The following TRPC6 variants were observed in gnomAD, a reference collection of about 807,000 sequenced individuals.
TRPC6 encodes the protein short transient receptor potential channel 6.
Under a neutral mutation model 90.7 loss-of-function variants are expected in TRPC6, and 55 were observed. The ratio of observed to expected loss-of-function variants is 0.61; its 90% confidence interval spans 0.49 to 0.76. The LOEUF (loss-of-function observed/expected upper bound fraction) is 0.76. Ranked by LOEUF, TRPC6 falls within the 30% of genes least tolerant of loss-of-function variation. The pLI is 0.00. For missense variants in TRPC6, 989 were observed against 1,122.7 expected, an observed-to-expected ratio of 0.88 and a Z score of 1.70; for synonymous variants, 393 against 393.0, an observed-to-expected ratio of 1.00 and a Z score of 0.00.
At chr11:101,561,009 G>A (rs10219398) in intron 1 of TRPC6, among the ~76,000 whole-genome samples, 34,687 of 151,996 alleles carry the variant, frequency 0.23, 4,290 homozygotes, top group Middle Eastern at 0.34. Context: ...ATGTCTTATT[G>A]CATGAATATT....
chr11:101,504,340 T>C lies in TRPC6; in HGVS notation c.629A>G (p.Asp210Gly), dbSNP rs2136741494. 1 of 1,614,036 alleles carries C rather than the reference T, an allele frequency of 6.2e-7. No homozygotes were observed. Among genetic ancestry groups the C allele is most frequent in the East Asian group, 2.2e-5 (1 of 44,870 alleles). Reference sequence around the variant, plus strand: ...ATGGGAGAACCGTGTCCCATCTTCATCATAGGCATAAAAATCATCTTGCTG... The same window carrying C: ...ATGGGAGAACCGTGTCCCATCTTCACCATAGGCATAAAAATCATCTTGCTG... Reference protein sequence around the residue: ...ELQQDDFYAYDEDGTRFSHDV... With the variant: ...ELQQDDFYAYGEDGTRFSHDV... The change falls in exon 2 of 13, where the codon GAT becomes GGT. Residue 210 changes from aspartate (D) to glycine (G), a missense_variant. Physicochemically the swap from Asp to Gly is moderately conservative, Grantham distance 94. Transcript: ENST00000344327.
chr11:101,487,599 T>C (rs1305933017), intron 4 of TRPC6, among the ~76,000 whole-genome samples: 3 of 151,296 alleles, frequency 2.0e-5, no homozygotes, highest in African/African-American at 7.3e-5. Flanking sequence ...ACACACATTA[T>C]TTTTCCAGGC....
At chr11:101,472,956 C>T (rs1859328428) in intron 7 of TRPC6, among the ~76,000 whole-genome samples, 1 of 139,984 alleles carries the variant, frequency 7.1e-6, no homozygotes, top group South Asian at 2.2e-4. Context: ...TAATCTATTC[C>T]AAACACACTT....
intron 11 of TRPC6, 74 bp from the exon 12 acceptor site, chr11:101,453,799 A>G (rs1858821027): frequency 7.1e-7 from 1 of 1,413,794 alleles, no homozygotes; most frequent in Admixed American, 1.7e-5. Context: ...AACAAGTTTC[A>G]GAGTCTTCCT....
intron 5 of TRPC6, among the ~76,000 whole-genome samples, chr11:101,477,666 G>A (rs1859446848): frequency 6.6e-6 from 1 of 152,132 alleles, no homozygotes; most frequent in South Asian, 2.1e-4. Flanking sequence ...CTTTGATAAG[G>A]TATTTAAACT....
Position 101,572,021 on chromosome 11 carries a change from G to C in TRPC6, c.170+11313C>G, listed in dbSNP as rs192113536. Among the ~76,000 whole-genome samples the C allele has an allele frequency of 3.1e-3, 468 of 152,172 alleles. 1 individual carries two copies. The highest frequency in any genetic ancestry group is 0.011 in the African/African-American group (440 of 41,508). ...CAACAAAAGCCAAAATTGACAAATG[G>C]GATCTAATTAAACTAAAGAGCTTCT... On this transcript the variant is annotated intron_variant, in intron 1 of 12. Coordinates refer to ENST00000344327, the MANE Select transcript of TRPC6 (RefSeq NM_004621.6).
chr11:101,465,299 T>C (rs1238541726), intron 10 of TRPC6, among the ~76,000 whole-genome samples: 1 of 152,082 alleles, frequency 6.6e-6, no homozygotes. Context: ...ATCTTTGTGG[T>C]GGTCTTTGTA....
chr11:101,538,150 T>G (rs1861094080), intron 1 of TRPC6, among the ~76,000 whole-genome samples: 1 of 152,180 alleles, frequency 6.6e-6, no homozygotes. Flanking sequence ...GTATGTTTCT[T>G]CTCTCTTGTG....
intron 9 of TRPC6, among the ~76,000 whole-genome samples, chr11:101,470,816 C>T (rs1405825956): frequency 1.6e-5 from 1 of 60,616 alleles, no homozygotes; most frequent in Admixed American, 1.6e-4. Flanking sequence ...CGCCCCCCCC[C>T]CCTCCCCGAG....
rs148027256 is a variant in TRPC6 at position 101,522,394 on chromosome 11, C to T, written c.171-17596G>A. On this transcript the variant is annotated intron_variant, in intron 1 of 12. Coordinates refer to ENST00000344327, the MANE Select transcript of TRPC6 (RefSeq NM_004621.6). ...CACCATGATTGTAAGTTTCCTGAGG[C>T]CTCCCCAGCCATGCCTCCTGTACAG... is the stretch of plus-strand genomic sequence containing the variant. Among the ~76,000 whole-genome samples the T allele has an allele frequency of 7.8e-3, 1,195 of 152,274 alleles. 15 individuals are homozygous for T. The highest frequency in any genetic ancestry group is 0.028 in the African/African-American group (1,148 of 41,558).
intron 1 of TRPC6, among the ~76,000 whole-genome samples, chr11:101,579,164 G>A (rs1372514113): frequency 1.3e-5 from 2 of 151,830 alleles, no homozygotes; most frequent in Non-Finnish European, 2.9e-5. Flanking sequence ...TTATGTCTCT[G>A]CATTTTGGGT....
chr11:101,507,546 G>A (rs1372054270), intron 1 of TRPC6, among the ~76,000 whole-genome samples: 1 of 151,968 alleles, frequency 6.6e-6, no homozygotes, highest in Non-Finnish European at 1.5e-5. Flanking sequence ...GTCTAATAAA[G>A]CATGCATAGG....
intron 1 of TRPC6, among the ~76,000 whole-genome samples, chr11:101,521,546 C>T (rs1444063691): frequency 6.6e-6 from 1 of 152,246 alleles, no homozygotes; most frequent in East Asian, 1.9e-4. Flanking sequence ...GGAGCCCCCA[C>T]ACTGAGTCCC....
intron 4 of TRPC6, among the ~76,000 whole-genome samples, chr11:101,485,596 C>G (rs934614822): frequency 6.7e-6 from 1 of 150,246 alleles, no homozygotes; most frequent in Non-Finnish European, 1.5e-5. Flanking sequence ...TTTTAATTCT[C>G]AATTTATTTG....
intron 2 of TRPC6, among the ~76,000 whole-genome samples, chr11:101,497,532 C>T (rs1055756722): frequency 6.6e-6 from 1 of 152,174 alleles, no homozygotes; most frequent in Admixed American, 6.5e-5. Context: ...TCTACCCTTC[C>T]TCTTTCTCAG....
At chr11:101,473,866 A>C in intron 6 of TRPC6, 93 bp from the exon 7 acceptor site, 2 of 1,577,002 alleles carry the variant, frequency 1.3e-6, no homozygotes, top group South Asian at 2.3e-5. Flanking sequence ...TAGTTATGTT[A>C]GAATCCGGTT....
chr11:101,553,371 C>T (rs1277015162), intron 1 of TRPC6, among the ~76,000 whole-genome samples: 1 of 151,938 alleles, frequency 6.6e-6, no homozygotes, highest in Non-Finnish European at 1.5e-5. Context: ...GTAACCCTCT[C>T]ACTGAACCTT....
chr11:101,499,433 A>T (rs1412857195), intron 2 of TRPC6, among the ~76,000 whole-genome samples: 1 of 151,540 alleles, frequency 6.6e-6, no homozygotes, highest in East Asian at 1.9e-4. Context: ...ATCTAGAAAT[A>T]TTTATTCCTA....
intron 1 of TRPC6, among the ~76,000 whole-genome samples, chr11:101,568,442 G>C (rs1277042545): frequency 6.6e-6 from 1 of 152,198 alleles, no homozygotes; most frequent in African/African-American, 2.4e-5. Context: ...ACATTCTTCA[G>C]AATATTATCC....
Sources: gnomAD v4.1 joint callset for allele counts (sites outside exome capture counted in the v4.1 genomes callset) on GRCh38, gnomAD v4.1.1 for gene constraint, MANE v1.5 for transcripts, NCBI Gene and HGNC (gene_info 2026-07-23, HGNC 2026-07-21) for gene names.